NAV3: variants seen among roughly 807,000 people sequenced by gnomAD.
NAV3 encodes neuron navigator 3, also known as pore membrane and/or filament interacting like protein 1.
A neutral mutation model predicts 244.7 loss-of-function variants in NAV3; 87 were observed. The observed-to-expected ratio is 0.36, with a 90% CI of 0.30 to 0.42. The LOEUF is 0.42. Ranked by LOEUF, NAV3 falls within the 20% of genes least tolerant of loss-of-function variation. NAV3 has a pLI of 1.00. For missense variants in NAV3, 2,663 were observed against 2,893.3 expected, an observed-to-expected ratio of 0.92 and a Z score of 1.83; for synonymous variants, 1,126 against 1,042.2, an observed-to-expected ratio of 1.08 and a Z score of -1.55.
intron 2 of NAV3, among the ~76,000 whole-genome samples, chr12:77,720,797 T>C (rs1876587268): frequency 6.6e-6 from 1 of 152,056 alleles, no homozygotes; most frequent in Non-Finnish European, 1.5e-5. Flanking sequence ...TCTTAACTGG[T>C]TTCTGGATTT....
chr12:77,846,600 A>G (rs937528819), intron 1 of NAV3, among the ~76,000 whole-genome samples: 3 of 152,162 alleles, frequency 2.0e-5, no homozygotes, highest in Non-Finnish European at 4.4e-5. Context: ...CTAGTTTTCT[A>G]TAATAGTCTA....
intron 2 of NAV3, among the ~76,000 whole-genome samples, chr12:77,629,286 T>C (rs1300748117): frequency 6.6e-6 from 1 of 152,248 alleles, no homozygotes; most frequent in Non-Finnish European, 1.5e-5. Flanking sequence ...TCTCTAATTA[T>C]AAATTTTATG....
chr12:77,926,569 T>C (rs1229754228), intron 1 of NAV3, among the ~76,000 whole-genome samples: 1 of 152,230 alleles, frequency 6.6e-6, no homozygotes, highest in Non-Finnish European at 1.5e-5. Context: ...ATTCTTTACA[T>C]TGAAAGACAG....
intron 2 of NAV3, among the ~76,000 whole-genome samples, chr12:77,702,927 A>C (rs1471665520): frequency 2.0e-5 from 3 of 151,944 alleles, no homozygotes; most frequent in Non-Finnish European, 4.4e-5. Flanking sequence ...TAGTCTGAAG[A>C]ACTACCTTTA....
rs115378675 is a variant in NAV3, at chr12:77,580,385, A to G, written c.72+8119A>G. Among the ~76,000 whole-genome samples, 942 of 152,268 alleles carry G rather than the reference A, an allele frequency of 6.2e-3. 5 individuals carry two copies. The highest frequency in any genetic ancestry group is 0.021 in the African/African-American group (877 of 41,538). On this transcript the variant is annotated intron_variant, in intron 2 of 8. Transcript: ENST00000550042. ...TGAGCTGCATCTTAGTGGTTCATTT[A>G]GGCCATGACACCGTCTGCTGGTTCC...
intron 34 of NAV3, among the ~76,000 whole-genome samples, chr12:78,193,717 G>A (rs1455324204): frequency 6.6e-6 from 1 of 152,108 alleles, no homozygotes; most frequent in African/African-American, 2.4e-5. Context: ...TAGGAAAAAA[G>A]TTTATTTATG....
At chr12:77,796,974 C>A (rs1871438322) in intron 2 of NAV3, among the ~76,000 whole-genome samples, 1 of 151,870 alleles carries the variant, frequency 6.6e-6, no homozygotes, top group Admixed American at 6.6e-5. Context: ...TTGTGGTGGA[C>A]TTGAAATGAA....
At chr12:77,899,643 T>G (rs1333472071) in intron 1 of NAV3, among the ~76,000 whole-genome samples, 1 of 152,238 alleles carries the variant, frequency 6.6e-6, no homozygotes, top group African/African-American at 2.4e-5. Flanking sequence ...CTTGCTTTAT[T>G]GCACTATTTG....
chr12:77,589,199 A>G (rs1869785768), intron 2 of NAV3, among the ~76,000 whole-genome samples: 1 of 152,162 alleles, frequency 6.6e-6, no homozygotes, highest in Non-Finnish European at 1.5e-5. Flanking sequence ...GAAGAGGAAG[A>G]CAATAGTTCA....
At chr12:78,060,298 C>T (rs1593429338) in intron 12 of NAV3, among the ~76,000 whole-genome samples, 3 of 152,128 alleles carry the variant, frequency 2.0e-5, no homozygotes. Context: ...TTTGTACAGT[C>T]AACTCCAAAG....
chr12:78,167,996 C>G (rs1173677690), intron 23 of NAV3, among the ~76,000 whole-genome samples: 1 of 151,526 alleles, frequency 6.6e-6, no homozygotes, highest in Admixed American at 6.6e-5. Flanking sequence ...CTTAAAATTA[C>G]TCTAAATTCA....
At chr12:77,580,793 G>A (rs1463798818) in intron 2 of NAV3, among the ~76,000 whole-genome samples, 3 of 152,112 alleles carry the variant, frequency 2.0e-5, no homozygotes, top group Non-Finnish European at 4.4e-5. Context: ...TAAAAACTAC[G>A]TGATAAAGCA....
chr12:77,628,578 T>C (rs1310301224), intron 2 of NAV3, among the ~76,000 whole-genome samples: 1 of 152,064 alleles, frequency 6.6e-6, no homozygotes, highest in Non-Finnish European at 1.5e-5. Flanking sequence ...TATTTGCAAA[T>C]TGCTTTTCAA....
intron 2 of NAV3, among the ~76,000 whole-genome samples, chr12:77,703,264 T>C (rs1248704749): frequency 6.6e-6 from 1 of 152,110 alleles, no homozygotes; most frequent in Non-Finnish European, 1.5e-5. Flanking sequence ...CAATTTGATG[T>C]AAATGGGATC....
chr12:78,073,691 T>C (rs1345976560), intron 12 of NAV3, among the ~76,000 whole-genome samples: 1 of 152,152 alleles, frequency 6.6e-6, no homozygotes. Flanking sequence ...AAAAAACTAC[T>C]TTAAAGTTCA....
chr12:78,078,299 C>CTCTTT (rs1364528252), intron 12 of NAV3, among the ~76,000 whole-genome samples: 1 of 146,458 alleles, frequency 6.8e-6, no homozygotes, highest in Non-Finnish European at 1.5e-5. Context: ...CATTCTCATT[C>CTCTTT]TCTTTGCTCT....
chr12:77,646,056 A>G (rs1872594924), intron 2 of NAV3, among the ~76,000 whole-genome samples: 1 of 152,138 alleles, frequency 6.6e-6, no homozygotes, highest in African/African-American at 2.4e-5. Context: ...TACTTAAGGT[A>G]TACAACATGG....
At chr12:77,795,717 T>C (rs912368007) in intron 2 of NAV3, among the ~76,000 whole-genome samples, 7 of 152,168 alleles carry the variant, frequency 4.6e-5, no homozygotes, top group African/African-American at 1.7e-4. Flanking sequence ...TAAGGGCTGA[T>C]GTAGCTGATG....
chr12:77,925,505 G>A (rs1888106904), intron 1 of NAV3, among the ~76,000 whole-genome samples: 1 of 146,740 alleles, frequency 6.8e-6, no homozygotes, highest in Non-Finnish European at 1.5e-5. Flanking sequence ...CAATTGTGGT[G>A]CATTACAAAT....
Sources: allele counts gnomAD v4.1 joint callset (sites outside exome capture counted in the v4.1 genomes callset), GRCh38; gene constraint gnomAD v4.1.1; transcripts MANE v1.5; gene names NCBI Gene and HGNC (gene_info 2026-07-23, HGNC 2026-07-21).